TTBK2: variants seen among roughly 807,000 people sequenced by gnomAD.
TTBK2 encodes tau-tubulin kinase 2.
TTBK2 carries 28 observed loss-of-function variants against 110.8 expected under a neutral mutation model. The ratio of observed to expected loss-of-function variants is 0.25; its 90% confidence interval spans 0.19 to 0.35. The LOEUF is 0.35. Ranked by LOEUF, TTBK2 falls within the 10% of genes least tolerant of loss-of-function variation. The probability of loss-of-function intolerance (pLI) is 1.00; values close to 1 mark genes in which losing one functional copy is unlikely to be tolerated. For synonymous variants in TTBK2, 532 were observed against 527.3 expected (o/e 1.01, Z -0.12); for missense variants, 1,369 against 1,500.3 (o/e 0.91, Z 1.45).
At chr15:42,800,761 G>GAA (rs541636688) in intron 9 of TTBK2, among the ~76,000 whole-genome samples, 6 of 136,356 alleles carry the variant, frequency 4.4e-5, no homozygotes, top group East Asian at 2.1e-4. Flanking sequence ...TTTATTTTGG[G>GAA]AAAAAAAAAA....
chr15:42,802,255 C>G lies in TTBK2; in HGVS notation c.823-7454G>C, dbSNP rs141681287. The G allele has an allele frequency of 3.9e-4, 320 of 812,452 alleles. 2 individuals are homozygous for G. In the East Asian group the frequency reaches 7.4e-3, roughly 19 times the overall value. 50.3% of individuals were successfully genotyped at this position (812,452 alleles called of 1,614,324 possible). ...TCCACTGGCCCCACCATATCCTGCA[C>G]CCAGGCCACCCCGGAAGCTGCTGCT... On this transcript the variant is annotated intron_variant, in intron 9 of 14. Coordinates refer to ENST00000267890, the MANE Select transcript of TTBK2 (RefSeq NM_173500.4).
At chr15:42,765,240 C>A (rs150205026) in intron 13 of TTBK2, among the ~76,000 whole-genome samples, 2 of 152,174 alleles carry the variant, frequency 1.3e-5, no homozygotes, top group Non-Finnish European at 2.9e-5. Context: ...TCGCCATCAA[C>A]GGAACAAAGC....
intron 3 of TTBK2, among the ~76,000 whole-genome samples, chr15:42,846,371 G>A (rs1278540851): frequency 6.6e-6 from 1 of 151,778 alleles, no homozygotes; most frequent in African/African-American, 2.4e-5. Flanking sequence ...TGTATTTTTA[G>A]TAGAGACAGG....
At position 42,811,705 on chromosome 15, in the gene TTBK2, T is replaced by C; in HGVS notation, c.679A>G (p.Arg227Gly). 6.2e-7 allele frequency: 1 copy of C among 1,613,634 alleles called. No homozygotes were observed. The highest frequency in any genetic ancestry group is 8.5e-7 in the Non-Finnish European group (1 of 1,179,750). ...VEFVVGQLPWRKIKDKEQVGS... is the reference protein window; with the variant it reads ...VEFVVGQLPWGKIKDKEQVGS... ...AAAATTACCTTGTCCTTTATTTTTC[T>C]CCAGGGCAGCTGACCAACCACAAAC... Residue 227 changes from arginine to glycine, a missense_variant, in exon 8 of 15, where the codon AGA (arginine) becomes GGA (glycine). Physicochemically the swap from Arg to Gly is moderately radical, Grantham distance 125. Coordinates refer to ENST00000267890, the MANE Select transcript of TTBK2 (RefSeq NM_173500.4).
chr15:42,784,019 G>A lies in TTBK2; in HGVS notation c.981-384C>T, dbSNP rs561540340. Among the ~76,000 whole-genome samples, 42 of 151,684 alleles carry A rather than the reference G, an allele frequency of 2.8e-4. 1 individual carries two copies. Among genetic ancestry groups the A allele is most frequent in the Middle Eastern group, 3.4e-3 (1 of 294 alleles). ...GGAGGTTACAGTGAGCCAAGATTGC[G>A]CCACTGCACTCCAGCCTGGGTGACA... On this transcript the variant is annotated intron_variant, in intron 10 of 14. Transcript: ENST00000267890.
chr15:42,871,638 C>A, intron 3 of TTBK2: 1 of 973,822 alleles, frequency 1.0e-6, no homozygotes, highest in Non-Finnish European at 1.2e-6. Context: ...AACAACAACT[C>A]AAGAGAAATG....
At chr15:42,864,482 G>A (rs1203218939) in intron 3 of TTBK2, among the ~76,000 whole-genome samples, 2 of 152,034 alleles carry the variant, frequency 1.3e-5, no homozygotes, top group East Asian at 1.9e-4. Flanking sequence ...TACTCGGGAG[G>A]CTGAGGCAGG....
chr15:42,910,983 G>A (rs2141210871), intron 1 of TTBK2, among the ~76,000 whole-genome samples: 1 of 151,522 alleles, frequency 6.6e-6, no homozygotes, highest in South Asian at 2.1e-4. Flanking sequence ...GGCGGAGGAT[G>A]CAGTGAGCTG....
At chr15:42,763,188 ATATATT>A (rs1369213713) in intron 13 of TTBK2, among the ~76,000 whole-genome samples, 1 of 24,532 alleles carries the variant, frequency 4.1e-5, no homozygotes, top group African/African-American at 2.3e-4. Context: ...ATATATATAT[ATATATT>A]TTTTTTTTTT....
intron 1 of TTBK2, among the ~76,000 whole-genome samples, chr15:42,914,557 G>C (rs1191920556): frequency 6.6e-6 from 1 of 152,098 alleles, no homozygotes; most frequent in Non-Finnish European, 1.5e-5. Flanking sequence ...ATTGAGGCTT[G>C]GGAGAATCCA....
Position 42,745,210 on chromosome 15 carries a change from A to G in TTBK2, c.*585T>C, listed in dbSNP as rs968782952. On this transcript the variant is annotated 3_prime_UTR_variant, in exon 15 of 15. Transcript: ENST00000267890. ...GATTGAATCAGACGAGACATACAAAATTTTAAAAAAAAATCTGAACTCCAG... is the reference window on the plus strand; with the variant it reads ...GATTGAATCAGACGAGACATACAAAGTTTTAAAAAAAAATCTGAACTCCAG... 1.9e-5 allele frequency: 3 copies of G among 157,360 alleles called. No homozygotes were observed. Among genetic ancestry groups the G allele is most frequent in the Non-Finnish European group, 4.3e-5 (3 of 70,384 alleles). 9.7% of individuals were successfully genotyped at this position (157,360 alleles called of 1,614,324 possible).
In TTBK2 at chr15:42,775,425, C is replaced by A; in HGVS notation, c.1708G>T (p.Val570Leu). The change falls in exon 13 of 15, where the codon GTA becomes TTA. Residue 570 changes from valine (V) to leucine (L), a missense_variant. Physicochemically the swap from Val to Leu is conservative, Grantham distance 32. Coordinates refer to ENST00000267890, the MANE Select transcript of TTBK2 (RefSeq NM_173500.4). The stretch of plus-strand genomic sequence containing the variant: ...GGACTTCCAGTTGTTTTATGTCCTA[C>A]AGCCTCATTTGTCCTAAAATCCTGA... ...DLQDFRTNEA[V>L]GHKTTGSPSD... 1 of 1,614,250 alleles carries A rather than the reference C, an allele frequency of 6.2e-7. No homozygotes were observed. Among genetic ancestry groups the A allele is most frequent in the Non-Finnish European group, 8.5e-7 (1 of 1,180,044 alleles).
At chr15:42,794,608 G>A (rs1432107203) in intron 10 of TTBK2, 36 bp downstream of exon 10, 1 of 1,614,098 alleles carries the variant, frequency 6.2e-7, no homozygotes, top group Admixed American at 1.7e-5. Context: ...AATACATCCA[G>A]GAAAGACACC....
chr15:42,817,869 G>C (rs1451263771), intron 6 of TTBK2, among the ~76,000 whole-genome samples: 1 of 152,122 alleles, frequency 6.6e-6, no homozygotes, highest in African/African-American at 2.4e-5. Context: ...CCCTCCAATG[G>C]CTAGCTCTTC....
rs752316838 is a variant in TTBK2, at chr15:42,752,211, G to A, written c.3035C>T (p.Ala1012Val). 10 of 1,614,012 alleles carry A rather than the reference G, an allele frequency of 6.2e-6. 1 individual carries two copies. In the South Asian group the frequency reaches 8.8e-5, roughly 14 times the overall value. The change falls in exon 14 of 15, where the codon GCT (alanine) becomes GTT (valine). Residue 1012 changes from alanine (A) to valine (V), a missense_variant. Physicochemically the swap from Ala to Val is moderately conservative, Grantham distance 64 (BLOSUM62 0). Around this residue, in one of 4 missense-constraint regions of TTBK2, gnomAD observed 1,097 missense variants for 1,114.7 expected, o/e 0.98. Coordinates refer to ENST00000267890, the MANE Select transcript of TTBK2 (RefSeq NM_173500.4). ...LLEEKLATVP[A>V]PFCEEEVLTP... The stretch of plus-strand genomic sequence containing the variant: ...GAGCACTTCCTCCTCACAAAAGGGA[G>A]CAGGAACAGTAGCTAGTTTCTCCTC...
intron 1 of TTBK2, among the ~76,000 whole-genome samples, chr15:42,913,421 C>T (rs1442213953): frequency 3.3e-5 from 5 of 151,884 alleles, no homozygotes; most frequent in Non-Finnish European, 5.9e-5. Context: ...GGGCGGATCA[C>T]GGGGTCAGGA....
chr15:42,816,977 CTGATT>C (rs1406888180), intron 7 of TTBK2, 50 bp downstream of exon 7: 1 of 1,106,852 alleles, frequency 9.0e-7, no homozygotes, highest in Admixed American at 2.9e-5. Flanking sequence ...AGAAGTCAAT[CTGATT>C]TAAGCTATTA....
chr15:42,910,254 C>T (rs2030669021), intron 1 of TTBK2, among the ~76,000 whole-genome samples: 1 of 151,758 alleles, frequency 6.6e-6, no homozygotes, highest in South Asian at 2.1e-4. Flanking sequence ...TAGAAGAGTG[C>T]CCCATCTACA....
intron 5 of TTBK2, among the ~76,000 whole-genome samples, chr15:42,828,699 G>A (rs973009265): frequency 1.3e-5 from 2 of 150,084 alleles, no homozygotes; most frequent in African/African-American, 4.9e-5. Flanking sequence ...CTCCAGCCTG[G>A]GTGACAGAGT....
Sources: gnomAD v4.1 joint callset for allele counts (sites outside exome capture counted in the v4.1 genomes callset) on GRCh38, gnomAD v4.1.1 for gene constraint, gnomAD v4.1.1 regional missense constraint, MANE v1.5 for transcripts, NCBI Gene and HGNC (gene_info 2026-07-23, HGNC 2026-07-21) for gene names.